Variants in ZNF827 observed in about 807,000 individuals in gnomAD.
The protein encoded by ZNF827 is zinc finger protein 827.
ZNF827 carries 13 observed loss-of-function variants against 102.4 expected under a neutral mutation model. The ratio of observed to expected loss-of-function variants is 0.13; its 90% CI spans 0.08 to 0.20. The LOEUF is 0.20. Ranked by LOEUF, ZNF827 falls within the 10% of genes least tolerant of loss-of-function variation. ZNF827 has a pLI of 1.00. For synonymous variants in ZNF827, 523 were observed against 536.2 expected (o/e 0.98, Z 0.34); for missense variants, 1,103 against 1,344.4 (o/e 0.82, Z 2.81).
At chr4:145,924,493 G>A (rs1457433035) in intron 1 of ZNF827, among the ~76,000 whole-genome samples, 1 of 152,190 alleles carries the variant, frequency 6.6e-6, no homozygotes, top group Non-Finnish European at 1.5e-5. Context: ...AGGTAAGGGA[G>A]GGGTAAGAGG....
chr4:145,771,827 G>A (rs933695068), intron 11 of ZNF827, among the ~76,000 whole-genome samples: 1 of 152,192 alleles, frequency 6.6e-6, no homozygotes. Flanking sequence ...AGATAGCGTG[G>A]CAGATTTCCT....
intron 2 of ZNF827, among the ~76,000 whole-genome samples, chr4:145,899,602 T>C (rs1329329176): frequency 6.6e-6 from 1 of 152,210 alleles, no homozygotes. Flanking sequence ...GAACGTAGGA[T>C]GGGCCCACGT....
At chr4:145,892,166 G>A in intron 3 of ZNF827, 77 bp downstream of exon 3, 3 of 1,416,058 alleles carry the variant, frequency 2.1e-6, no homozygotes, top group East Asian at 2.4e-5. Context: ...CGGCCAAGAA[G>A]CCTCCTGCAC....
At chr4:145,803,873 T>C (rs1741156836) in intron 8 of ZNF827, among the ~76,000 whole-genome samples, 1 of 152,180 alleles carries the variant, frequency 6.6e-6, no homozygotes, top group African/African-American at 2.4e-5. Context: ...TATTTATGCA[T>C]ACAAAAAGAA....
chr4:145,806,147 CTTTTTTTTT>C (rs11364915), intron 8 of ZNF827, among the ~76,000 whole-genome samples: 1 of 77,368 alleles, frequency 1.3e-5, no homozygotes, highest in Non-Finnish European at 2.4e-5. Context: ...AATAAATGAA[CTTTTTTTTT>C]TTTTTTTTTT....
In ZNF827 at chr4:145,849,319, T is replaced by C; in HGVS notation, c.2221+3A>G. 6.2e-7 allele frequency: 1 copy of C among 1,613,860 alleles called. No individual in the cohort carries two copies. The highest frequency in any genetic ancestry group is 8.5e-7 in the Non-Finnish European group (1 of 1,179,762). On this transcript the variant is annotated splice_donor_region_variant and intron_variant, in intron 6 of 14. Transcript: ENST00000508784. Reference sequence around the variant, plus strand: ...ATTGACATTTTCCTGTGCATAAACATACCTGACAGTTGAAAGAGGAGCTCG... The same window carrying C: ...ATTGACATTTTCCTGTGCATAAACACACCTGACAGTTGAAAGAGGAGCTCG...
chr4:145,764,916 G>T, intron 13 of ZNF827, 72 bp downstream of exon 13: 1 of 1,604,046 alleles, frequency 6.2e-7, no homozygotes, highest in South Asian at 1.1e-5. Context: ...TTCACGGGAA[G>T]GGACGGGGTA....
intron 1 of ZNF827, among the ~76,000 whole-genome samples, chr4:145,934,171 A>G (rs1460042892): frequency 6.6e-6 from 1 of 152,222 alleles, no homozygotes; most frequent in Non-Finnish European, 1.5e-5. Flanking sequence ...ATCTCGTGTA[A>G]TAATTTTTAA....
chr4:145,828,606 T>C (rs1743904201), intron 7 of ZNF827, among the ~76,000 whole-genome samples: 1 of 152,224 alleles, frequency 6.6e-6, no homozygotes, highest in African/African-American at 2.4e-5. Flanking sequence ...TTAATTTCCC[T>C]GGGTTTTGAA....
intron 8 of ZNF827, among the ~76,000 whole-genome samples, chr4:145,806,193 C>T (rs1185258491): frequency 6.7e-6 from 1 of 149,740 alleles, no homozygotes; most frequent in Non-Finnish European, 1.5e-5. Context: ...GGTCTGTTGC[C>T]CAGGCTGGAG....
chr4:145,864,927 A>G (rs1748047263), intron 5 of ZNF827, among the ~76,000 whole-genome samples: 1 of 152,342 alleles, frequency 6.6e-6, no homozygotes. Context: ...TAGATTACTG[A>G]AGTCACACTG....
At position 145,802,811 on chromosome 4, in the gene ZNF827, T is replaced by C. The variant is rs574198891; in HGVS notation, c.2383+20611A>G. 2.2e-4 allele frequency among the ~76,000 whole-genome samples: 33 copies of C among 152,148 alleles called. 1 individual carries two copies. In the South Asian group the frequency reaches 5.0e-3, roughly 23 times the overall value. ...TTAAAAAGTTAGCTAGACAAGGTGG[T>C]ATGCATCTGTAGCCCCAGCTACTCG... On this transcript the variant is annotated intron_variant, in intron 8 of 14. Coordinates refer to ENST00000508784, the MANE Select transcript of ZNF827 (RefSeq NM_001306215.2).
At chr4:145,863,896 T>C (rs1375569115) in intron 5 of ZNF827, among the ~76,000 whole-genome samples, 1 of 152,218 alleles carries the variant, frequency 6.6e-6, no homozygotes, top group Non-Finnish European at 1.5e-5. Flanking sequence ...ATGTGAATTA[T>C]ATTTTAATAA....
chr4:145,823,802 A>G (rs1016120661), intron 7 of ZNF827, among the ~76,000 whole-genome samples: 1 of 152,216 alleles, frequency 6.6e-6, no homozygotes, highest in Admixed American at 6.5e-5. Flanking sequence ...AGAGGAGGAC[A>G]GCTGTGCAGT....
At chr4:145,783,126 A>T (rs1201947825) in intron 8 of ZNF827, among the ~76,000 whole-genome samples, 1 of 152,198 alleles carries the variant, frequency 6.6e-6, no homozygotes, top group Non-Finnish European at 1.5e-5. Context: ...AACGTGAAGC[A>T]GTACTCAGTC....
intron 7 of ZNF827, among the ~76,000 whole-genome samples, chr4:145,837,988 T>G (rs1257285606): frequency 1.3e-5 from 2 of 151,918 alleles, no homozygotes; most frequent in Non-Finnish European, 2.9e-5. Flanking sequence ...CCCCCAAAAA[T>G]TTTCGCCACC....
At chr4:145,933,796 A>AG (rs374885348) in intron 1 of ZNF827, among the ~76,000 whole-genome samples, 1 of 151,544 alleles carries the variant, frequency 6.6e-6, no homozygotes, top group Admixed American at 6.6e-5. Flanking sequence ...TGAAAAAAAA[A>AG]AAAACAAAAA....
rs532825286 is a variant in ZNF827 at position 145,842,583 on chromosome 4, G to C, written c.2279+3373C>G. ...GAAGCTGTGGGTTTATAAGAGGCAGGGATAGAGTCAGCTCCTTTCTTCAGT... is the reference window on the plus strand; with the variant it reads ...GAAGCTGTGGGTTTATAAGAGGCAGCGATAGAGTCAGCTCCTTTCTTCAGT... On this transcript the variant is annotated intron_variant, in intron 7 of 14. Transcript: ENST00000508784. 7.2e-5 allele frequency among the ~76,000 whole-genome samples: 11 copies of C among 152,292 alleles called. No individual in the cohort carries two copies. In the South Asian group the frequency reaches 2.3e-3, roughly 32 times the overall value.
At chr4:145,935,042 T>C (rs1347260624) in intron 1 of ZNF827, among the ~76,000 whole-genome samples, 1 of 152,204 alleles carries the variant, frequency 6.6e-6, no homozygotes, top group Non-Finnish European at 1.5e-5. Context: ...GCCCCTCTCA[T>C]TCCTTCAAGA....
Sources: allele counts gnomAD v4.1 joint callset (sites outside exome capture counted in the v4.1 genomes callset), GRCh38; gene constraint gnomAD v4.1.1; transcripts MANE v1.5; gene names NCBI Gene and HGNC (gene_info 2026-07-23, HGNC 2026-07-21).